Variants in CYP39A1 observed in about 807,000 individuals in gnomAD.
CYP39A1 encodes 24-hydroxycholesterol 7-alpha-hydroxylase.
A neutral mutation model predicts 58.1 loss-of-function variants in CYP39A1; 49 were observed. The ratio of observed to expected loss-of-function variants is 0.84; its 90% CI spans 0.67 to 1.07. The LOEUF (loss-of-function observed/expected upper bound fraction) is 1.07, where lower values mean the gene tolerates loss of function less well. CYP39A1 is among the 50% of genes least tolerant of loss of function. CYP39A1 has a pLI of 0.00. For missense variants in CYP39A1, 531 were observed against 539.4 expected, an observed-to-expected ratio of 0.98 and a Z score of 0.16; for synonymous variants, 209 against 187.6, an observed-to-expected ratio of 1.11 and a Z score of -0.93.
At chr6:46,565,334 G>A (rs1202919581) in intron 10 of CYP39A1, among the ~76,000 whole-genome samples, 4 of 151,998 alleles carry the variant, frequency 2.6e-5, no homozygotes, top group African/African-American at 7.2e-5. Context: ...TTATGTCTGG[G>A]GTACCAAACT....
chr6:46,641,834 T>G (rs961131094), intron 2 of CYP39A1, among the ~76,000 whole-genome samples: 1 of 152,232 alleles, frequency 6.6e-6, no homozygotes. Context: ...TAGAACACTG[T>G]ATACACAGCA....
intron 10 of CYP39A1, among the ~76,000 whole-genome samples, chr6:46,584,786 A>T (rs551894540): frequency 6.6e-6 from 1 of 152,236 alleles, no homozygotes; most frequent in Admixed American, 6.5e-5. Context: ...GTCTCAAGCT[A>T]AAAGGTCTCC....
intron 7 of CYP39A1, among the ~76,000 whole-genome samples, chr6:46,600,390 G>A (rs1360850575): frequency 6.6e-6 from 1 of 152,014 alleles, no homozygotes; most frequent in Non-Finnish European, 1.5e-5. Context: ...AAAAGTGTTG[G>A]TATTACAGGT....
intron 10 of CYP39A1, among the ~76,000 whole-genome samples, chr6:46,567,821 C>G (rs564110622): frequency 6.6e-6 from 1 of 152,126 alleles, no homozygotes; most frequent in South Asian, 2.1e-4. Flanking sequence ...TTTACTGGGG[C>G]AAGGGAAGGT....
rs758347196 is a variant in CYP39A1, at chr6:46,649,328, G to A, written c.177+3078C>T. Reference sequence around the variant, plus strand: ...AATTGAGTCTGCTATCAAGATGAAAGCCTAATCACAGAAGTAACATCAGAT... The same window carrying A: ...AATTGAGTCTGCTATCAAGATGAAAACCTAATCACAGAAGTAACATCAGAT... On this transcript the variant is annotated intron_variant, in intron 1 of 11. Coordinates refer to ENST00000275016, the MANE Select transcript of CYP39A1 (RefSeq NM_016593.5). Among the ~76,000 whole-genome samples the A allele has an allele frequency of 1.3e-3, 204 of 152,344 alleles. 1 individual carries two copies. The highest frequency in any genetic ancestry group is 1.6e-3 in the Non-Finnish European group (110 of 68,030).
At chr6:46,583,670 T>G in intron 10 of CYP39A1, 5 of 807,188 alleles carry the variant, frequency 6.2e-6, no homozygotes, top group Non-Finnish European at 7.5e-6. Context: ...TACAAGGAAG[T>G]GCCTCGCAGT....
At chr6:46,642,404 TATTATG>T (rs1208763274) in intron 1 of CYP39A1, 106 bp from the exon 2 acceptor site, 1 of 1,064,784 alleles carries the variant, frequency 9.4e-7, no homozygotes, top group Non-Finnish European at 1.3e-6. Context: ...AAAGAAAAAT[TATTATG>T]ATTATATTTG....
In CYP39A1 at chr6:46,595,981, G is replaced by C. The variant is rs181583116; in HGVS notation, c.1065+6C>G. 2.1e-3 allele frequency: 3,324 copies of C among 1,606,664 alleles called. 8 individuals are homozygous for C. Among genetic ancestry groups the C allele is most frequent in the Non-Finnish European group, 2.6e-3 (3,071 of 1,177,338 alleles). ...TTGATTCATTTAAAACCAAACCAAA[G>C]CTTACCAAAATTTCCACAGGCTTCA... On this transcript the variant is annotated splice_donor_region_variant and intron_variant, in intron 8 of 11. Coordinates refer to ENST00000275016, the MANE Select transcript of CYP39A1 (RefSeq NM_016593.5).
intron 8 of CYP39A1, among the ~76,000 whole-genome samples, chr6:46,590,369 C>T (rs1274066446): frequency 1.3e-5 from 2 of 152,024 alleles, no homozygotes; most frequent in Non-Finnish European, 2.9e-5. Flanking sequence ...GAAGAGAAGG[C>T]AGGACTCTGT....
chr6:46,585,245 A>G (rs1223906856), intron 10 of CYP39A1, among the ~76,000 whole-genome samples: 1 of 152,146 alleles, frequency 6.6e-6, no homozygotes, highest in African/African-American at 2.4e-5. Context: ...TCATTGCAAG[A>G]CATTTCAGTC....
At chr6:46,613,499 G>C (rs1774337868) in intron 7 of CYP39A1, among the ~76,000 whole-genome samples, 1 of 152,122 alleles carries the variant, frequency 6.6e-6, no homozygotes, top group Admixed American at 6.5e-5. Context: ...TTTCTATGCA[G>C]GTGCATTTCT....
chr6:46,638,002 A>G (rs1244789985), intron 3 of CYP39A1, 24 bp from the exon 4 acceptor site: 1 of 1,579,320 alleles, frequency 6.3e-7, no homozygotes, highest in Non-Finnish European at 8.5e-7. Flanking sequence ...AACACACAAA[A>G]AGTCAGACCC....
chr6:46,578,478 A>G (rs970468340), intron 10 of CYP39A1, among the ~76,000 whole-genome samples: 3 of 152,064 alleles, frequency 2.0e-5, no homozygotes, highest in African/African-American at 7.2e-5. Context: ...CATACAAAAG[A>G]TTAAGAAAAC....
intron 1 of CYP39A1, among the ~76,000 whole-genome samples, chr6:46,644,391 G>A (rs1449592242): frequency 6.6e-6 from 1 of 152,112 alleles, no homozygotes; most frequent in East Asian, 1.9e-4. Context: ...GGCTAGACAT[G>A]CCTATAATCC....
At position 46,636,491 on chromosome 6, in the gene CYP39A1, G is replaced by GA. The variant is rs1775999432; in HGVS notation, c.639-10dup. The GA allele has an allele frequency of 3.2e-6, 5 of 1,556,610 alleles. No individual in the cohort carries two copies. The highest frequency in any genetic ancestry group is 4.4e-6 in the Non-Finnish European group (5 of 1,140,588). On this transcript the variant is annotated splice_polypyrimidine_tract_variant and intron_variant, in intron 4 of 11. Transcript: ENST00000275016. ...TGGATTTTGACCAGTTTCTACATGA[G>GA]AAAAAATATATATAGAAATTAATTG...
At chr6:46,582,497 T>A (rs1488466990) in intron 10 of CYP39A1, among the ~76,000 whole-genome samples, 2 of 152,118 alleles carry the variant, frequency 1.3e-5, no homozygotes, top group Non-Finnish European at 1.5e-5. Context: ...AGCACTTAAT[T>A]TTTTTTCTTC....
intron 2 of CYP39A1, among the ~76,000 whole-genome samples, chr6:46,640,151 T>C (rs1680738564): frequency 6.6e-6 from 1 of 152,176 alleles, no homozygotes; most frequent in African/African-American, 2.4e-5. Flanking sequence ...TTCTGTGAGA[T>C]GATGGAAATC....
intron 10 of CYP39A1, among the ~76,000 whole-genome samples, chr6:46,571,518 G>T (rs1288219722): frequency 2.0e-5 from 3 of 151,920 alleles, no homozygotes; most frequent in African/African-American, 7.3e-5. Flanking sequence ...TTAACGTCTA[G>T]TTTGTCTAAT....
intron 1 of CYP39A1, among the ~76,000 whole-genome samples, chr6:46,650,356 CT>C (rs1762601611): frequency 7.1e-6 from 1 of 139,864 alleles, no homozygotes; most frequent in South Asian, 2.4e-4. Context: ...TGAATCTCCC[CT>C]GGCACCAAAG....
Sources: allele counts gnomAD v4.1 joint callset (sites outside exome capture counted in the v4.1 genomes callset), GRCh38; gene constraint gnomAD v4.1.1; transcripts MANE v1.5; gene names NCBI Gene and HGNC (gene_info 2026-07-23, HGNC 2026-07-21).